ROBO1: variants seen among roughly 807,000 people sequenced by gnomAD.
ROBO1 encodes roundabout guidance receptor 1.
In ROBO1, 149 loss-of-function variants were observed where a neutral mutation model predicts 195.9. The observed-to-expected ratio is 0.76, with a 90% confidence interval of 0.67 to 0.87. ROBO1 has a LOEUF of 0.87. ROBO1 is among the 40% of genes least tolerant of loss of function. ROBO1 has a pLI of 0.00. For missense variants in ROBO1, 1,933 were observed against 2,068.3 expected, an observed-to-expected ratio of 0.93 and a Z score of 1.27; for synonymous variants, 816 against 733.2, an observed-to-expected ratio of 1.11 and a Z score of -1.82.
At chr3:79,569,667 GTGTGTGTA>G (rs1434116153) in intron 2 of ROBO1, among the ~76,000 whole-genome samples, 42 of 110,920 alleles carry the variant, frequency 3.8e-4, no homozygotes, top group Admixed American at 1.4e-3. Flanking sequence ...GTGTGTGTGT[GTGTGTGTA>G]TATATGTGTG....
intron 1 of ROBO1, among the ~76,000 whole-genome samples, chr3:79,656,585 G>A (rs1946170771): frequency 6.6e-6 from 1 of 151,722 alleles, no homozygotes; most frequent in Admixed American, 6.6e-5. Flanking sequence ...TATTGCCTTT[G>A]TTGAAAAGAA....
chr3:79,332,199 C>G (rs1213634499), intron 2 of ROBO1, among the ~76,000 whole-genome samples: 2 of 140,840 alleles, frequency 1.4e-5, no homozygotes, highest in Admixed American at 1.4e-4. Flanking sequence ...TTATTGATGA[C>G]CTAAAAAAAA....
At chr3:79,697,532 C>G (rs911607869) in intron 1 of ROBO1, among the ~76,000 whole-genome samples, 1 of 150,704 alleles carries the variant, frequency 6.6e-6, no homozygotes, top group South Asian at 2.1e-4. Context: ...GACATTATGG[C>G]CTAAAACTGA....
chr3:79,199,848 G>A (rs943505987), intron 2 of ROBO1, among the ~76,000 whole-genome samples: 1 of 151,678 alleles, frequency 6.6e-6, no homozygotes, highest in Non-Finnish European at 1.5e-5. Context: ...TTTTTATGGC[G>A]ATGGTAAAGT....
intron 2 of ROBO1, among the ~76,000 whole-genome samples, chr3:79,276,568 C>A (rs1051030019): frequency 6.6e-6 from 1 of 151,818 alleles, no homozygotes; most frequent in African/African-American, 2.4e-5. Context: ...TGGGTAAAAA[C>A]TTCTTAGTAA....
At chr3:79,425,960 T>G (rs1463800950) in intron 2 of ROBO1, among the ~76,000 whole-genome samples, 1 of 152,222 alleles carries the variant, frequency 6.6e-6, no homozygotes, top group African/African-American at 2.4e-5. Context: ...AAATAATTTT[T>G]AAATTTTTCA....
At chr3:79,226,543 CT>C (rs112824317) in intron 2 of ROBO1, among the ~76,000 whole-genome samples, 671 of 135,414 alleles carry the variant, frequency 5.0e-3, no homozygotes, top group Admixed American at 5.5e-3. Flanking sequence ...TTCTTTCTTT[CT>C]TTTTTTTTTT....
intron 18 of ROBO1, among the ~76,000 whole-genome samples, chr3:78,655,806 T>G (rs1389859692): frequency 6.6e-6 from 1 of 152,194 alleles, no homozygotes; most frequent in East Asian, 1.9e-4. Context: ...TGATCCTTTT[T>G]GATGATTTAA....
intron 22 of ROBO1, among the ~76,000 whole-genome samples, chr3:78,639,107 C>A (rs1422163744): frequency 6.6e-6 from 1 of 151,372 alleles, no homozygotes; most frequent in South Asian, 2.1e-4. Flanking sequence ...GATTGCGCCT[C>A]TGAGCTCCAG....
At chr3:78,694,080 G>C (rs976038431) in intron 8 of ROBO1, among the ~76,000 whole-genome samples, 1 of 152,010 alleles carries the variant, frequency 6.6e-6, no homozygotes, top group Admixed American at 6.6e-5. Flanking sequence ...TAAATTACAA[G>C]AACTAAGAAA....
chr3:79,202,661 A>G (rs115902496), intron 2 of ROBO1, among the ~76,000 whole-genome samples: 59 of 152,074 alleles, frequency 3.9e-4, no homozygotes, highest in African/African-American at 1.4e-3. Context: ...CATCCAAGCT[A>G]CAGGTACCAG....
chr3:79,038,020 TCATC>T lies in ROBO1; in HGVS notation c.172+87432_172+87435del, dbSNP rs1576598183. 3.3e-5 allele frequency among the ~76,000 whole-genome samples: 5 copies of T among 152,290 alleles called. No individual in the cohort carries two copies. The East Asian group carries it at 9.7e-4, about 29-fold the overall frequency. On this transcript the variant is annotated intron_variant, in intron 3 of 30. Coordinates refer to ENST00000464233, the MANE Select transcript of ROBO1 (RefSeq NM_002941.4). ...ATTTTTTTAAAAATTAGATTTAAACTCATCTGAAGCAAGAAAGTGCCATATAATA... is the reference window on the plus strand; with the variant it reads ...ATTTTTTTAAAAATTAGATTTAAACTTGAAGCAAGAAAGTGCCATATAATA...
At chr3:78,809,963 T>C (rs992043591) in intron 4 of ROBO1, among the ~76,000 whole-genome samples, 8 of 150,386 alleles carry the variant, frequency 5.3e-5, no homozygotes, top group Admixed American at 4.6e-4. Flanking sequence ...GTTCTGCACA[T>C]GTATCCCAGA....
At chr3:78,920,335 T>G (rs1193804773) in intron 4 of ROBO1, among the ~76,000 whole-genome samples, 1 of 152,068 alleles carries the variant, frequency 6.6e-6, no homozygotes, top group African/African-American at 2.4e-5. Context: ...GATGGAGTCT[T>G]GCTCTGTTGC....
At position 78,773,888 on chromosome 3, in the gene ROBO1, G is replaced by A. The variant is rs145799902; in HGVS notation, c.500-26988C>T. On this transcript the variant is annotated intron_variant, in intron 4 of 30. Transcript: ENST00000464233. ...ATTATGACTCATTTGCATTCAAGTA[G>A]CTCTACTAAGTGCCAATGTCTTGTT... 3.3e-4 allele frequency among the ~76,000 whole-genome samples: 51 copies of A among 152,310 alleles called. No individual in the cohort carries two copies. The East Asian group carries it at 7.9e-3, about 24-fold the overall frequency.
intron 2 of ROBO1, among the ~76,000 whole-genome samples, chr3:79,279,510 C>G (rs1347975083): frequency 6.6e-6 from 1 of 152,072 alleles, no homozygotes; most frequent in African/African-American, 2.4e-5. Context: ...AGCTTATGCA[C>G]TGTTGGTGGG....
intron 4 of ROBO1, among the ~76,000 whole-genome samples, chr3:78,867,915 T>C (rs1341591544): frequency 1.3e-5 from 2 of 152,178 alleles, no homozygotes; most frequent in Non-Finnish European, 2.9e-5. Context: ...TAACACAATT[T>C]GCCTCAGAAT....
chr3:79,265,660 A>G (rs986569076), intron 2 of ROBO1, among the ~76,000 whole-genome samples: 4 of 151,592 alleles, frequency 2.6e-5, no homozygotes, highest in Non-Finnish European at 4.4e-5. Flanking sequence ...TAATAAAAAT[A>G]TGAAAAAAGT....
At chr3:78,673,117 T>C (rs1708163030) in intron 10 of ROBO1, among the ~76,000 whole-genome samples, 1 of 152,104 alleles carries the variant, frequency 6.6e-6, no homozygotes. Flanking sequence ...AGCTACCTTA[T>C]TGGAGGGTGC....
Sources: allele counts gnomAD v4.1 joint callset (sites outside exome capture counted in the v4.1 genomes callset), GRCh38; gene constraint gnomAD v4.1.1; transcripts MANE v1.5; gene names NCBI Gene and HGNC (gene_info 2026-07-23, HGNC 2026-07-21).